NTRK2: variants seen among roughly 807,000 people sequenced by gnomAD.
NTRK2 encodes the protein neurotrophic receptor tyrosine kinase 2.
NTRK2 carries 13 observed loss-of-function variants against 94.5 expected under a neutral mutation model. The observed-to-expected ratio is 0.14, with a 90% CI of 0.09 to 0.22. NTRK2 has a LOEUF of 0.22. Ranked by LOEUF, NTRK2 falls within the 10% of genes least tolerant of loss-of-function variation. The pLI, the probability that NTRK2 is intolerant of heterozygous loss-of-function variation, is 1.00. For missense variants in NTRK2, 639 were observed against 1,071.2 expected, an observed-to-expected ratio of 0.60 and a Z score of 5.63; for synonymous variants, 372 against 407.4, an observed-to-expected ratio of 0.91 and a Z score of 1.05.
In NTRK2 at chr9:84,670,975, CT is replaced by C. The variant is rs766073790; in HGVS notation, c.212+19del. The stretch of plus-strand genomic sequence containing the variant: ...ATCACCGAAATGTGAGTTCCTGGAG[CT>C]TTTCCTCCTTTTTCTCCTTGCCCCT... On this transcript the variant is annotated intron_variant, in intron 2 of 18. Transcript: ENST00000277120. The C allele has an allele frequency of 6.2e-7, 1 of 1,600,248 alleles. No individual in the cohort carries two copies. Among genetic ancestry groups the C allele is most frequent in the East Asian group, 2.2e-5 (1 of 44,860 alleles).
At chr9:84,750,547 G>A (rs1426555347) in intron 11 of NTRK2, among the ~76,000 whole-genome samples, 3 of 152,184 alleles carry the variant, frequency 2.0e-5, no homozygotes, top group East Asian at 1.9e-4. Context: ...AGGCATTGGC[G>A]ACTATGTTCA....
intron 14 of NTRK2, among the ~76,000 whole-genome samples, chr9:84,913,189 C>T (rs1346379682): frequency 6.6e-6 from 1 of 151,802 alleles, no homozygotes; most frequent in Non-Finnish European, 1.5e-5. Context: ...TTTTTATTTA[C>T]CTGTAGTGTT....
In NTRK2 at chr9:84,975,525, C is replaced by A. The variant is rs1458427801; in HGVS notation, c.2172+20008C>A. Among the ~76,000 whole-genome samples the A allele has an allele frequency of 2.0e-5, 3 of 152,302 alleles. No homozygotes were observed. In the East Asian group the frequency reaches 5.8e-4, roughly 29 times the overall value. ...ATTGGCGTTATTTGTCATCACAAGT[C>A]AAGTTGCACAGGCAGTGCAGCAGCC... On this transcript the variant is annotated intron_variant, in intron 17 of 18. Coordinates refer to ENST00000277120, the MANE Select transcript of NTRK2 (RefSeq NM_006180.6).
At chr9:85,013,143 A>G (rs917253222) in intron 17 of NTRK2, among the ~76,000 whole-genome samples, 3 of 152,106 alleles carry the variant, frequency 2.0e-5, no homozygotes, top group African/African-American at 7.2e-5. Context: ...TGAGGCAGAA[A>G]AGCCTGTTTC....
chr9:84,819,696 A>G (rs2072660779), intron 12 of NTRK2, among the ~76,000 whole-genome samples: 1 of 152,156 alleles, frequency 6.6e-6, no homozygotes, highest in Admixed American at 6.6e-5. Flanking sequence ...GCCAGCCTTA[A>G]ACAGGCTCAG....
At chr9:85,011,005 G>A (rs1162928189) in intron 17 of NTRK2, among the ~76,000 whole-genome samples, 1 of 152,134 alleles carries the variant, frequency 6.6e-6, no homozygotes, top group Non-Finnish European at 1.5e-5. Context: ...CCTTATTAGG[G>A]AGTGTCAGGG....
intron 2 of NTRK2, among the ~76,000 whole-genome samples, chr9:84,672,053 A>C (rs112527488): frequency 3.3e-5 from 5 of 152,344 alleles, no homozygotes; most frequent in African/African-American, 1.2e-4. Context: ...AGGCAGCCCT[A>C]AAGTGGGGCT....
At chr9:84,960,758 C>T (rs1423147004) in intron 17 of NTRK2, among the ~76,000 whole-genome samples, 2 of 152,204 alleles carry the variant, frequency 1.3e-5, no homozygotes, top group Non-Finnish European at 2.9e-5. Flanking sequence ...TCACAGCATA[C>T]AGTACCTTGC....
chr9:84,949,440 GTT>G (rs2078704034), intron 16 of NTRK2, among the ~76,000 whole-genome samples: 1 of 133,234 alleles, frequency 7.5e-6, no homozygotes, highest in Non-Finnish European at 1.6e-5. Context: ...GGCCTGATTG[GTT>G]GGGATTTATT....
chr9:84,871,901 T>C, intron 14 of NTRK2: 1 of 1,612,274 alleles, frequency 6.2e-7, no homozygotes, highest in Non-Finnish European at 8.5e-7. Context: ...AGAAGAGTTC[T>C]ATGGTTATCT....
chr9:84,870,087 TTCCC>T (rs2075771865), intron 14 of NTRK2, among the ~76,000 whole-genome samples: 1 of 126,686 alleles, frequency 7.9e-6, no homozygotes, highest in African/African-American at 3.1e-5. Context: ...AATTAGATAA[TTCCC>T]ATTGACTATA....
chr9:84,699,039 ATT>A (rs11397169), intron 2 of NTRK2, among the ~76,000 whole-genome samples: 3 of 145,666 alleles, frequency 2.1e-5, no homozygotes, highest in African/African-American at 5.1e-5. Flanking sequence ...CTTGCTGAAA[ATT>A]TTTTTTTTTT....
chr9:84,930,005 C>A (rs1360114502), intron 14 of NTRK2, among the ~76,000 whole-genome samples: 3 of 152,296 alleles, frequency 2.0e-5, no homozygotes, highest in South Asian at 4.2e-4. Flanking sequence ...GCTTATTTAT[C>A]ATGGAATCCT....
chr9:84,687,706 T>C (rs1395101663), intron 2 of NTRK2, among the ~76,000 whole-genome samples: 1 of 152,244 alleles, frequency 6.6e-6, no homozygotes, highest in African/African-American at 2.4e-5. Context: ...TATTGATTGA[T>C]TGATTGACTG....
chr9:84,781,101 C>G (rs1319535839), intron 12 of NTRK2, among the ~76,000 whole-genome samples: 1 of 152,082 alleles, frequency 6.6e-6, no homozygotes, highest in African/African-American at 2.4e-5. Context: ...TTTTCTTCCT[C>G]TCTTCATAAC....
rs74412318 is a variant in NTRK2, at chr9:84,981,050, T to C, written c.2172+25533T>C. Among the ~76,000 whole-genome samples, 1,182 of 152,334 alleles carry C rather than the reference T, an allele frequency of 7.8e-3. 12 individuals are homozygous for C. The highest frequency in any genetic ancestry group is 0.026 in the African/African-American group (1,075 of 41,574). On this transcript the variant is annotated intron_variant, in intron 17 of 18. Transcript: ENST00000277120. ...GTAACTCATTCTTGCTTTGTCTTAT[T>C]TAGATTTTCTGCTTTTTGCTTTCAA...
chr9:84,870,268 A>G (rs1196423933), intron 14 of NTRK2, among the ~76,000 whole-genome samples: 121 of 137,900 alleles, frequency 8.8e-4, no homozygotes, highest in African/African-American at 3.1e-3. Flanking sequence ...CTATATGCAC[A>G]CATATAGGTA....
intron 17 of NTRK2, among the ~76,000 whole-genome samples, chr9:84,967,199 C>T (rs932138887): frequency 6.6e-6 from 1 of 152,186 alleles, no homozygotes; most frequent in South Asian, 2.1e-4. Context: ...AGAGACAGAG[C>T]AAGCAGCAGG....
At position 85,023,638 on chromosome 9, in the gene NTRK2, C is replaced by A. The variant is rs1268875145; in HGVS notation, c.*2201C>A. 1.8e-5 allele frequency: 4 copies of A among 218,040 alleles called. No homozygotes were observed. The highest frequency in any genetic ancestry group is 1.9e-4 in the South Asian group (1 of 5,286). The allele number at this position is 218,040 out of a possible 1,614,324, so 13.5% of individuals were successfully genotyped here. ...CATAATAACATAATGAAAGCCATAT[C>A]TCCATGATATATATGTGCACATATA... On this transcript the variant is annotated 3_prime_UTR_variant, in exon 19 of 19. Transcript: ENST00000277120.
Sources: gnomAD v4.1 joint callset for allele counts (sites outside exome capture counted in the v4.1 genomes callset) on GRCh38, gnomAD v4.1.1 for gene constraint, MANE v1.5 for transcripts, NCBI Gene and HGNC (gene_info 2026-07-23, HGNC 2026-07-21) for gene names.